MAST4: variants seen among roughly 807,000 people sequenced by gnomAD.
MAST4 encodes the protein microtubule associated serine/threonine kinase family member 4.
In MAST4, 89 loss-of-function variants were observed where a neutral mutation model predicts 162.7. That is an observed-to-expected ratio of 0.55 (90% CI 0.46 to 0.65). MAST4 has a LOEUF of 0.65. Ranked by LOEUF, MAST4 falls within the 30% of genes least tolerant of loss-of-function variation. The pLI is 0.00. For synonymous variants in MAST4, 1,479 were observed against 1,361.1 expected (o/e 1.09, Z -1.91); for missense variants, 3,153 against 3,374.0 (o/e 0.93, Z 1.62).
rs775487954 is a variant in MAST4 at position 67,024,336 on chromosome 5, TACAC to T, written c.675-30054_675-30051del. On this transcript the variant is annotated intron_variant, in intron 4 of 28. Transcript: ENST00000403625. ...ATATATATATATATCTATATATATA[TACAC>T]ACACACACACACATACATATAGATA... is the stretch of plus-strand genomic sequence containing the variant. 4.2e-5 allele frequency among the ~76,000 whole-genome samples: 6 copies of T among 141,204 alleles called. No homozygotes were observed. In the South Asian group the frequency reaches 6.6e-4, roughly 16 times the overall value. The allele number at this position is 141,204 out of a possible 152,430, so 92.6% of individuals were successfully genotyped here. A position where few individuals can be genotyped will look rare whatever the true frequency, so the allele number is the denominator to read the frequency against.
chr5:66,926,552 C>T (rs926852773), intron 4 of MAST4, among the ~76,000 whole-genome samples: 2 of 119,014 alleles, frequency 1.7e-5, no homozygotes, highest in African/African-American at 5.7e-5. Flanking sequence ...ATATCTCTTT[C>T]TCTCTTTCTC....
intron 1 of MAST4, among the ~76,000 whole-genome samples, chr5:66,611,703 C>A (rs992297586): frequency 6.6e-6 from 1 of 152,200 alleles, no homozygotes; most frequent in African/African-American, 2.4e-5. Context: ...TGGGATACAT[C>A]GGAAGGTGCT....
At chr5:66,799,368 A>G (rs1182639426) in intron 3 of MAST4, among the ~76,000 whole-genome samples, 1 of 152,118 alleles carries the variant, frequency 6.6e-6, no homozygotes, top group Non-Finnish European at 1.5e-5. Context: ...TTTATTATAT[A>G]ATTAAGTAGG....
At chr5:66,961,892 G>A (rs1270532038) in intron 4 of MAST4, among the ~76,000 whole-genome samples, 1 of 152,200 alleles carries the variant, frequency 6.6e-6, no homozygotes, top group Non-Finnish European at 1.5e-5. Context: ...TGCTCTGAGT[G>A]TATAAGGAAA....
chr5:66,921,247 T>C (rs1464073421), intron 4 of MAST4, among the ~76,000 whole-genome samples: 1 of 152,158 alleles, frequency 6.6e-6, no homozygotes, highest in African/African-American at 2.4e-5. Flanking sequence ...CAAATGAGTA[T>C]TCTGTGCTGA....
intron 1 of MAST4, among the ~76,000 whole-genome samples, chr5:66,600,562 G>A (rs1397783627): frequency 6.6e-6 from 1 of 152,206 alleles, no homozygotes; most frequent in Admixed American, 6.5e-5. Context: ...GTAAATATAT[G>A]TTGAATGAAT....
At chr5:66,750,778 C>G (rs1753100456) in intron 1 of MAST4, among the ~76,000 whole-genome samples, 1 of 152,238 alleles carries the variant, frequency 6.6e-6, no homozygotes, top group Non-Finnish European at 1.5e-5. Flanking sequence ...GAAGCTCGAA[C>G]TGGGTGGAGC....
rs77581440 is a variant in MAST4 at position 66,782,514 on chromosome 5, A to G, written c.518-6156A>G. Among the ~76,000 whole-genome samples, 1,002 of 152,318 alleles carry G rather than the reference A, an allele frequency of 6.6e-3. 8 individuals are homozygous for G. Among genetic ancestry groups the G allele is most frequent in the African/African-American group, 0.022 (917 of 41,558 alleles). ...GTCCATTCAAACAACCCACACCTCT[A>G]TGGTTGAGACCTGACACGCTCTTGT... On this transcript the variant is annotated intron_variant, in intron 2 of 28. Coordinates refer to ENST00000403625, the MANE Select transcript of MAST4 (RefSeq NM_001164664.2).
intron 4 of MAST4, chr5:67,004,893 A>ATTT: frequency 1.6e-6 from 1 of 634,514 alleles, no homozygotes; most frequent in Non-Finnish European, 2.9e-6. Context: ...GATAATTGGG[A>ATTT]TTTTTTTTTT....
chr5:66,742,559 T>C (rs970672963), intron 1 of MAST4, among the ~76,000 whole-genome samples: 1 of 152,148 alleles, frequency 6.6e-6, no homozygotes, highest in African/African-American at 2.4e-5. Context: ...CACCCAGTCC[T>C]TGGGGGCTGC....
intron 1 of MAST4, among the ~76,000 whole-genome samples, chr5:66,644,029 T>C (rs757021650): frequency 7.9e-6 from 1 of 125,906 alleles, no homozygotes; most frequent in South Asian, 3.3e-4. Flanking sequence ...TAAATAAAAG[T>C]ATTCATCTGT....
At chr5:66,741,114 G>T (rs1202481815) in intron 1 of MAST4, among the ~76,000 whole-genome samples, 1 of 152,172 alleles carries the variant, frequency 6.6e-6, no homozygotes, top group African/African-American at 2.4e-5. Flanking sequence ...CAGGGCCTTT[G>T]ATACTTGCCA....
intron 3 of MAST4, among the ~76,000 whole-genome samples, chr5:66,842,286 A>G (rs950371897): frequency 5.3e-5 from 8 of 152,196 alleles, no homozygotes; most frequent in Admixed American, 5.2e-4. Flanking sequence ...GACCTCATGT[A>G]TAGCATGTCT....
Position 66,879,385 on chromosome 5 carries a change from C to T in MAST4, c.643-20566C>T, listed in dbSNP as rs1277170792. 2.6e-5 allele frequency among the ~76,000 whole-genome samples: 4 copies of T among 151,550 alleles called. No homozygotes were observed. The East Asian group carries it at 7.8e-4, about 29-fold the overall frequency. Reference sequence around the variant, plus strand: ...ACATATATATATATATATATACATACACAAATTACCTATTGGGTTGGCAAA... The same window carrying T: ...ACATATATATATATATATATACATATACAAATTACCTATTGGGTTGGCAAA... On this transcript the variant is annotated intron_variant, in intron 3 of 28. Coordinates refer to ENST00000403625, the MANE Select transcript of MAST4 (RefSeq NM_001164664.2).
intron 2 of MAST4, 63 bp from the exon 3 acceptor site, chr5:66,788,607 C>CCAAAAAAAAAAAAAA: frequency 2.2e-6 from 3 of 1,373,720 alleles, no homozygotes; most frequent in African/African-American, 1.5e-5. Context: ...CCCCCACCCC[C>CCAAAAAAAAAAAAAA]ATTGCAATAA....
At chr5:66,992,971 T>A (rs1750220453) in intron 4 of MAST4, among the ~76,000 whole-genome samples, 1 of 152,220 alleles carries the variant, frequency 6.6e-6, no homozygotes, top group African/African-American at 2.4e-5. Context: ...GTTACTACCT[T>A]GGAAAAAGGT....
Position 66,873,137 on chromosome 5 carries a change from G to A in MAST4, c.643-26814G>A, listed in dbSNP as rs867599566. Among the ~76,000 whole-genome samples, 8 of 152,222 alleles carry A rather than the reference G, an allele frequency of 5.3e-5. No individual in the cohort carries two copies. In the South Asian group the frequency reaches 6.2e-4, roughly 12 times the overall value. On this transcript the variant is annotated intron_variant, in intron 3 of 28. Transcript: ENST00000403625. ...AAGATGTCTGTTGCCTTAATGTGCC[G>A]TGTGAATTGGTTCAGCGACATTACC...
At chr5:67,121,812 A>G (rs766856131) in intron 14 of MAST4, among the ~76,000 whole-genome samples, 4 of 151,912 alleles carry the variant, frequency 2.6e-5, no homozygotes, top group East Asian at 1.9e-4. Flanking sequence ...TTAGAGCAAT[A>G]TATGTGTTTT....
At chr5:66,827,766 A>G (rs1176756833) in intron 3 of MAST4, among the ~76,000 whole-genome samples, 3 of 152,244 alleles carry the variant, frequency 2.0e-5, no homozygotes, top group African/African-American at 7.2e-5. Context: ...GTTCTTAGAC[A>G]AAGTACAGTT....
Sources: gnomAD v4.1 joint callset for allele counts (sites outside exome capture counted in the v4.1 genomes callset) on GRCh38, gnomAD v4.1.1 for gene constraint, MANE v1.5 for transcripts, NCBI Gene and HGNC (gene_info 2026-07-23, HGNC 2026-07-21) for gene names.